PGR: variants seen among roughly 807,000 people sequenced by gnomAD.
PGR encodes progesterone receptor.
In PGR, 25 loss-of-function variants were observed where a neutral mutation model predicts 76.1. That is an observed-to-expected ratio of 0.33 (90% CI 0.24 to 0.46). PGR has a LOEUF of 0.46. Among genes scored for constraint, PGR ranks in the 20% least tolerant of loss-of-function variants. The probability of loss-of-function intolerance (pLI) is 1.00; values close to 1 mark genes in which losing one functional copy is unlikely to be tolerated. For missense variants in PGR, 1,172 were observed against 1,225.3 expected (o/e 0.96, Z 0.65); for synonymous variants, 579 against 535.0 (o/e 1.08, Z -1.14).
chr11:101,032,088 T>C lies in PGR; in HGVS notation c.*7028A>G, dbSNP rs897802355. The C allele has an allele frequency of 8.2e-5, 19 of 232,794 alleles. No individual in the cohort carries two copies. The highest frequency in any genetic ancestry group is 4.0e-4 in the African/African-American group (18 of 45,322). 14.4% of individuals were successfully genotyped at this position (232,794 alleles called of 1,614,324 possible). On this transcript the variant is annotated 3_prime_UTR_variant, in exon 8 of 8. Transcript: ENST00000325455. ...TTTTGGTTTCCTGATGAAAAATTTG[T>C]AATTTCAACACATAAGCAAAATAAT...
chr11:101,102,925 A>G (rs1862040757), intron 2 of PGR, among the ~76,000 whole-genome samples: 2 of 151,850 alleles, frequency 1.3e-5, no homozygotes, highest in Non-Finnish European at 2.9e-5. Context: ...ATTATCAGGC[A>G]TTAGTTAGAT....
chr11:101,104,107 A>G (rs561847977), intron 2 of PGR, among the ~76,000 whole-genome samples: 1 of 152,368 alleles, frequency 6.6e-6, no homozygotes, highest in South Asian at 2.1e-4. Flanking sequence ...CTATGTGCCA[A>G]CATTGTTCTA....
chr11:101,100,599 T>G (rs187585278), intron 2 of PGR, among the ~76,000 whole-genome samples: 101 of 133,272 alleles, frequency 7.6e-4, no homozygotes, highest in African/African-American at 2.6e-3. Context: ...TACTAGTATT[T>G]TGAATCCACA....
chr11:101,051,875 C>G (rs1364547153), intron 4 of PGR, among the ~76,000 whole-genome samples: 5 of 152,032 alleles, frequency 3.3e-5, no homozygotes. Context: ...GTGCCAGGCA[C>G]TGTATAAAAA....
chr11:101,037,064 C>G lies in PGR; in HGVS notation c.*2052G>C. 5.2e-6 allele frequency: 1 copy of G among 191,228 alleles called. No individual in the cohort carries two copies. The highest frequency in any genetic ancestry group is 1.1e-5 in the Non-Finnish European group (1 of 91,264). The allele number at this position is 191,228 out of a possible 1,614,324, so 11.8% of individuals were successfully genotyped here. On this transcript the variant is annotated 3_prime_UTR_variant, in exon 8 of 8. Transcript: ENST00000325455. ...TCTCACAGAGGTAGATTTCCTGTAACTATTATATTTGGGAGATGTTAAAAA... is the reference window on the plus strand; with the variant it reads ...TCTCACAGAGGTAGATTTCCTGTAAGTATTATATTTGGGAGATGTTAAAAA...
At chr11:101,114,138 C>CT (rs1252212265) in intron 2 of PGR, among the ~76,000 whole-genome samples, 1 of 152,174 alleles carries the variant, frequency 6.6e-6, no homozygotes, top group Non-Finnish European at 1.5e-5. Context: ...AGGATTCAGA[C>CT]TTTCTCCTTC....
intron 4 of PGR, among the ~76,000 whole-genome samples, chr11:101,052,428 AT>A: frequency 6.6e-6 from 1 of 152,014 alleles, no homozygotes; most frequent in East Asian, 1.9e-4. Context: ...TCTTGACTTA[AT>A]CATCACAAGT....
In PGR at chr11:101,037,612, A is replaced by C; in HGVS notation, c.*1504T>G. ...AGGAATCTAAAGTATTGTCCTTAAG[A>C]CACATAAAATACACTTCTATTCTTC... On this transcript the variant is annotated 3_prime_UTR_variant, in exon 8 of 8. Coordinates refer to ENST00000325455, the MANE Select transcript of PGR (RefSeq NM_000926.4). 4.4e-6 allele frequency: 1 copy of C among 227,400 alleles called. No individual in the cohort carries two copies. Among genetic ancestry groups the C allele is most frequent in the Non-Finnish European group, 8.7e-6 (1 of 114,378 alleles). The allele number at this position is 227,400 out of a possible 1,614,324, so 14.1% of individuals were successfully genotyped here. A position where few individuals can be genotyped will look rare whatever the true frequency, so the allele number is the denominator to read the frequency against.
chr11:101,058,928 C>T (rs1190256885), intron 4 of PGR, among the ~76,000 whole-genome samples: 4 of 152,040 alleles, frequency 2.6e-5, no homozygotes, highest in East Asian at 1.9e-4. Flanking sequence ...TAGCAGTGTC[C>T]GAGGGACTGT....
chr11:101,030,628 T>A lies in PGR; in HGVS notation c.*8488A>T, dbSNP rs776463969. ...CATATTGCTCTGAGGAGAATTGGAA[T>A]TGTTATAGCGGAAATGTTCAAAGAA... On this transcript the variant is annotated 3_prime_UTR_variant, in exon 8 of 8. Coordinates refer to ENST00000325455, the MANE Select transcript of PGR (RefSeq NM_000926.4). The A allele has an allele frequency of 1.4e-5, 3 of 216,928 alleles. No individual in the cohort carries two copies. The highest frequency in any genetic ancestry group is 5.8e-5 in the Admixed American group (1 of 17,176). 13.4% of individuals were successfully genotyped at this position (216,928 alleles called of 1,614,324 possible). A position where few individuals can be genotyped will look rare whatever the true frequency, so the allele number is the denominator to read the frequency against.
At chr11:101,043,491 G>A (rs980101280) in intron 6 of PGR, among the ~76,000 whole-genome samples, 3 of 152,086 alleles carry the variant, frequency 2.0e-5, no homozygotes, top group Non-Finnish European at 4.4e-5. Flanking sequence ...TGTTAATGTT[G>A]CTATTTTCAC....
chr11:101,070,638 G>A (rs930161191), intron 3 of PGR, among the ~76,000 whole-genome samples: 1 of 152,162 alleles, frequency 6.6e-6, no homozygotes, highest in Non-Finnish European at 1.5e-5. Context: ...GCATGGTGGT[G>A]GGAGGGGCGT....
intron 3 of PGR, among the ~76,000 whole-genome samples, chr11:101,091,086 C>T (rs1056262547): frequency 6.6e-6 from 1 of 152,126 alleles, no homozygotes; most frequent in African/African-American, 2.4e-5. Flanking sequence ...TGAAAAAATT[C>T]AAGGGAGTAC....
chr11:101,127,637 C>T lies in PGR; in HGVS notation c.1434G>A (p.Pro478=). 1 of 1,393,884 alleles carries T rather than the reference C, an allele frequency of 7.2e-7. No homozygotes were observed. The highest frequency in any genetic ancestry group is 9.3e-7 in the Non-Finnish European group (1 of 1,079,742). 86.3% of individuals were successfully genotyped at this position (1,393,884 alleles called of 1,614,324 possible). Reference sequence around the variant, plus strand: ...CGCTCGCGCCCGGCGCCTTGCAGGGCGGCGGCGCGAACGGGCCCTGCTGGG... The same window carrying T: ...CGCTCGCGCCCGGCGCCTTGCAGGGTGGCGGCGCGAACGGGCCCTGCTGGG... ...APPQQGPFAP[P]PCKAPGASGC... Residue 478 remains proline (P), a synonymous_variant, in exon 1 of 8, where the codon CCG becomes CCA. Coordinates refer to ENST00000325455, the MANE Select transcript of PGR (RefSeq NM_000926.4).
chr11:101,045,793 G>A (rs1215842042), intron 6 of PGR, among the ~76,000 whole-genome samples: 3 of 151,870 alleles, frequency 2.0e-5, no homozygotes, highest in African/African-American at 7.3e-5. Context: ...AGTGAATACT[G>A]CTGTAATAAA....
At chr11:101,084,242 T>G (rs1220292115) in intron 3 of PGR, among the ~76,000 whole-genome samples, 1 of 152,224 alleles carries the variant, frequency 6.6e-6, no homozygotes, top group Non-Finnish European at 1.5e-5. Context: ...TGCCTAGCTA[T>G]GCTTCCTGTT....
intron 3 of PGR, among the ~76,000 whole-genome samples, chr11:101,088,779 A>C (rs1479763338): frequency 1.3e-5 from 2 of 152,230 alleles, no homozygotes; most frequent in Non-Finnish European, 2.9e-5. Flanking sequence ...ACATGGAATT[A>C]ACTGAGGCAC....
Position 101,039,289 on chromosome 11 carries a change from G to A in PGR, c.2647-18C>T, listed in dbSNP as rs1859616514. On this transcript the variant is annotated intron_variant, in intron 7 of 7. Coordinates refer to ENST00000325455, the MANE Select transcript of PGR (RefSeq NM_000926.4). ...TTGACAAGCTGTTGGTTTAACAAAT[G>A]AGTAGAAAACATGTAATAAAAATAA... 1 of 1,579,442 alleles carries A rather than the reference G, an allele frequency of 6.3e-7. No individual in the cohort carries two copies. The highest frequency in any genetic ancestry group is 1.7e-4 in the Middle Eastern group (1 of 6,004).
intron 2 of PGR, among the ~76,000 whole-genome samples, chr11:101,121,166 T>C (rs1205102000): frequency 6.6e-6 from 1 of 152,366 alleles, no homozygotes; most frequent in African/African-American, 2.4e-5. Context: ...AGTGAATTAC[T>C]ACATATTTAT....
Sources: allele counts gnomAD v4.1 joint callset (sites outside exome capture counted in the v4.1 genomes callset), GRCh38; gene constraint gnomAD v4.1.1; transcripts MANE v1.5; gene names NCBI Gene and HGNC (gene_info 2026-07-23, HGNC 2026-07-21).